TMEM80: variants seen among roughly 807,000 people sequenced by gnomAD.
TMEM80 encodes the protein transmembrane protein 80.
In TMEM80, 16 loss-of-function variants were observed where a neutral mutation model predicts 13.6. That is an observed-to-expected ratio of 1.17 (90% confidence interval 0.79 to 1.78). The LOEUF (loss-of-function observed/expected upper bound fraction) is 1.78, where lower values mean the gene tolerates loss of function less well. TMEM80 is among the 40% of genes most tolerant of loss of function. The pLI, the probability that TMEM80 is intolerant of heterozygous loss-of-function variation, is 0.00. For synonymous variants in TMEM80, 92 were observed against 89.5 expected (o/e 1.03, Z -0.16); for missense variants, 167 against 184.6 (o/e 0.90, Z 0.55).
rs532081959 is a variant in TMEM80, at chr11:703,736, A to G, written c.*586A>G. 69 of 1,232,670 alleles carry G rather than the reference A, an allele frequency of 5.6e-5. No homozygotes were observed. The African/African-American group carries it at 9.0e-4, about 16-fold the overall frequency. The allele number at this position is 1,232,670 out of a possible 1,614,324, so 76.4% of individuals were successfully genotyped here. A position where few individuals can be genotyped will look rare whatever the true frequency, so the allele number is the denominator to read the frequency against. Reference sequence around the variant, plus strand: ...GGACTCTGGGTTCCTAAAGCAATAAATGCAAACAAGCCAACAGCTCTGCTG... The same window carrying G: ...GGACTCTGGGTTCCTAAAGCAATAAGTGCAAACAAGCCAACAGCTCTGCTG... On this transcript the variant is annotated 3_prime_UTR_variant, in exon 5 of 5. Coordinates refer to ENST00000397510, the MANE Select transcript of TMEM80 (RefSeq NM_001042463.3).
Position 703,670 on chromosome 11 carries a change from C to G in TMEM80, c.*520C>G. On this transcript the variant is annotated 3_prime_UTR_variant, in exon 5 of 5. Coordinates refer to ENST00000397510, the MANE Select transcript of TMEM80 (RefSeq NM_001042463.3). Reference sequence around the variant, plus strand: ...GGGTAGGCCTTGTGCTCTGAGCAACCCCAGCTCTGCCTCACAGGCAGGCAG... The same window carrying G: ...GGGTAGGCCTTGTGCTCTGAGCAACGCCAGCTCTGCCTCACAGGCAGGCAG... The G allele has an allele frequency of 8.1e-7, 1 of 1,232,434 alleles. No homozygotes were observed. Among genetic ancestry groups the G allele is most frequent in the Non-Finnish European group, 1.0e-6 (1 of 988,474 alleles). The allele number at this position is 1,232,434 out of a possible 1,614,324, so 76.3% of individuals were successfully genotyped here.
intron 4 of TMEM80, among the ~76,000 whole-genome samples, chr11:701,357 T>C (rs1861459926): frequency 7.6e-6 from 1 of 132,356 alleles, no homozygotes; most frequent in African/African-American, 2.7e-5. Context: ...CCCAGCTAAT[T>C]TTGTTTTGTT....
Position 703,471 on chromosome 11 carries a change from T to C in TMEM80, c.*321T>C, listed in dbSNP as rs1861592567. On this transcript the variant is annotated 3_prime_UTR_variant, in exon 5 of 5. Transcript: ENST00000397510. ...GCAGCCAGGCCTCCACAGACCCCCATGGGCCCCCAGGGCCGAGAGGGAGGA... is the reference window on the plus strand; with the variant it reads ...GCAGCCAGGCCTCCACAGACCCCCACGGGCCCCCAGGGCCGAGAGGGAGGA... 4.0e-6 allele frequency: 5 copies of C among 1,259,728 alleles called. No individual in the cohort carries two copies. In the South Asian group the frequency reaches 1.3e-4, roughly 34 times the overall value. The allele number at this position is 1,259,728 out of a possible 1,614,324, so 78.0% of individuals were successfully genotyped here.
Position 702,926 on chromosome 11 carries a change from C to CA in TMEM80, c.227-19_227-18insA, listed in dbSNP as rs755810891. ...GAGCGCCTCGCACCACCTTCCCTCC[C>CA]CTTTGCTCTGTTCTCCAGGCACCAG... On this transcript the variant is annotated intron_variant, in intron 4 of 4. Transcript: ENST00000397510. 6 of 1,596,048 alleles carry CA rather than the reference C, an allele frequency of 3.8e-6. No homozygotes were observed. Among genetic ancestry groups the CA allele is most frequent in the South Asian group, 2.2e-5 (2 of 89,480 alleles).
In TMEM80 at chr11:702,958, C is replaced by G; in HGVS notation, c.240C>G (p.Asn80Lys). The change falls in exon 5 of 5, where the codon AAC becomes AAG. Residue 80 changes from asparagine (N) to lysine (K), a missense_variant. Asn to Lys is a moderately conservative substitution (Grantham distance 94). Transcript: ENST00000397510. ...AVRLYLGTRG[N>K]LTEAERPLAA... ...TCTGTTCTCCAGGCACCAGGGGCAA[C>G]CTGACAGAGGCTGAGAGGCCGCTGG... is the stretch of plus-strand genomic sequence containing the variant. 1 of 1,608,586 alleles carries G rather than the reference C, an allele frequency of 6.2e-7. No individual in the cohort carries two copies. The highest frequency in any genetic ancestry group is 8.5e-7 in the Non-Finnish European group (1 of 1,178,042).
intron 4 of TMEM80, among the ~76,000 whole-genome samples, chr11:701,296 C>T (rs1861454067): frequency 4.6e-5 from 7 of 152,106 alleles, no homozygotes; most frequent in Admixed American, 4.6e-4. Context: ...CCTCCTGCCT[C>T]AGCCCTCCCC....
In TMEM80 at chr11:703,856, C is replaced by T; in HGVS notation, c.*706C>T. ...GGGGATGAGACTGCAGGAGAGAGAG[C>T]AGCGGAGGGCCACATTCGGAGCCTC... On this transcript the variant is annotated 3_prime_UTR_variant, in exon 5 of 5. Coordinates refer to ENST00000397510, the MANE Select transcript of TMEM80 (RefSeq NM_001042463.3). 2 of 1,236,402 alleles carry T rather than the reference C, an allele frequency of 1.6e-6. No homozygotes were observed. The highest frequency in any genetic ancestry group is 2.0e-6 in the Non-Finnish European group (2 of 991,272). 76.6% of individuals were successfully genotyped at this position (1,236,402 alleles called of 1,614,324 possible). A position where few individuals can be genotyped will look rare whatever the true frequency, so the allele number is the denominator to read the frequency against.
At chr11:699,170 G>A in intron 2 of TMEM80, 1 of 482,196 alleles carries the variant, frequency 2.1e-6, no homozygotes, top group Non-Finnish European at 3.7e-6. Flanking sequence ...GCCGCTAGTG[G>A]CAGGAAGATG....
chr11:699,070 C>A, intron 2 of TMEM80, 182 bp downstream of exon 2: 1 of 714,704 alleles, frequency 1.4e-6, no homozygotes, highest in South Asian at 1.7e-5. Flanking sequence ...GTTCTGCTGG[C>A]TCCATCCCCT....
Position 703,162 on chromosome 11 carries a change from C to T in TMEM80, c.*12C>T, listed in dbSNP as rs188099718. The T allele has an allele frequency of 2.7e-5, 43 of 1,594,276 alleles. No homozygotes were observed. Among genetic ancestry groups the T allele is most frequent in the African/African-American group, 2.5e-4 (19 of 74,738 alleles). On this transcript the variant is annotated 3_prime_UTR_variant, in exon 5 of 5. Transcript: ENST00000397510. ...CCTTCACCAGGTAGCTACGGACACC[C>T]GGGATACCCCACACTGGGGCCCTCC...
chr11:701,224 G>C (rs1298095159), intron 4 of TMEM80: 1 of 171,776 alleles, frequency 5.8e-6, no homozygotes, highest in Non-Finnish European at 1.3e-5. Flanking sequence ...CTGTTGCCCA[G>C]GCTGGAGTGC....
Position 703,439 on chromosome 11 carries a change from G to T in TMEM80, c.*289G>T. ...ACACTCAGCCCTGTCAGTGGGGTCT[G>T]GCTTTAGCAGCCAGGCCTCCACAGA... On this transcript the variant is annotated 3_prime_UTR_variant, in exon 5 of 5. Transcript: ENST00000397510. The T allele has an allele frequency of 7.8e-7, 1 of 1,288,942 alleles. No homozygotes were observed. The highest frequency in any genetic ancestry group is 2.8e-5 in the South Asian group (1 of 35,752). 79.8% of individuals were successfully genotyped at this position (1,288,942 alleles called of 1,614,324 possible).
chr11:701,442 G>C (rs1362633472), intron 4 of TMEM80, among the ~76,000 whole-genome samples: 2 of 115,248 alleles, frequency 1.7e-5, no homozygotes, highest in African/African-American at 3.4e-5. Flanking sequence ...ACAGAGTCTC[G>C]CTCTGTCGCC....
chr11:700,414 C>T (rs936524571), intron 3 of TMEM80, among the ~76,000 whole-genome samples, 179 bp downstream of exon 3: 11 of 151,834 alleles, frequency 7.2e-5, no homozygotes, highest in Non-Finnish European at 1.6e-4. Context: ...GTAGTCCCAG[C>T]TACTCGGGAG....
Position 700,602 on chromosome 11 carries a change from C to T in TMEM80, c.134-13C>T. The stretch of plus-strand genomic sequence containing the variant: ...CAGGTTACTTATGTTCCGTCCGCGC[C>T]TCTGCTCTTCAGGTCAGGTGTTCAG... On this transcript the variant is annotated splice_polypyrimidine_tract_variant and intron_variant, in intron 3 of 4. Coordinates refer to ENST00000397510, the MANE Select transcript of TMEM80 (RefSeq NM_001042463.3). 1.2e-6 allele frequency: 2 copies of T among 1,612,276 alleles called. No homozygotes were observed. Among genetic ancestry groups the T allele is most frequent in the Non-Finnish European group, 1.7e-6 (2 of 1,178,468 alleles).
chr11:704,822 G>A, downstream of TMEM80: 1 of 402,602 alleles, frequency 2.5e-6, no homozygotes, highest in South Asian at 2.0e-5. Flanking sequence ...CCGTTTAGGA[G>A]TGGAGAGGGA....
Position 703,187 on chromosome 11 carries a change from C to A in TMEM80, c.*37C>A. 14 of 1,566,732 alleles carry A rather than the reference C, an allele frequency of 8.9e-6. No individual in the cohort carries two copies. Among genetic ancestry groups the A allele is most frequent in the Non-Finnish European group, 1.1e-5 (13 of 1,150,720 alleles). On this transcript the variant is annotated 3_prime_UTR_variant, in exon 5 of 5. Coordinates refer to ENST00000397510, the MANE Select transcript of TMEM80 (RefSeq NM_001042463.3). ...CGGGATACCCCACACTGGGGCCCTC[C>A]TCCTGGGCCTGACCAGTCCCCCAGC...
Position 702,318 on chromosome 11 carries a change from G to A in TMEM80, c.227-627G>A, listed in dbSNP as rs528377169. Among the ~76,000 whole-genome samples the A allele has an allele frequency of 1.2e-4, 19 of 152,348 alleles. No individual in the cohort carries two copies. The South Asian group carries it at 2.5e-3, about 20-fold the overall frequency. ...GCTGGGAGGGTGCGAGCACCGCTGC[G>A]GCACAGAGGCCCGGTTCTTGGCTGA... On this transcript the variant is annotated intron_variant, in intron 4 of 4. Coordinates refer to ENST00000397510, the MANE Select transcript of TMEM80 (RefSeq NM_001042463.3).
intron 4 of TMEM80, 77 bp from the exon 5 acceptor site, chr11:702,868 C>T: frequency 1.4e-6 from 2 of 1,414,768 alleles, no homozygotes; most frequent in Non-Finnish European, 1.9e-6. Flanking sequence ...GTCCCAGCAG[C>T]CCTCCAGGCA....
Sources: allele counts gnomAD v4.1 joint callset (sites outside exome capture counted in the v4.1 genomes callset), GRCh38; gene constraint gnomAD v4.1.1; transcripts MANE v1.5; gene names NCBI Gene and HGNC (gene_info 2026-07-23, HGNC 2026-07-21).